Variants in SIGLECL1 observed in about 807,000 individuals in gnomAD.
SIGLECL1 encodes SIGLEC family like 1, also known as SIGLEC family-like protein 1.
Under a neutral mutation model 19.1 loss-of-function variants are expected in SIGLECL1, and 16 were observed. The ratio of observed to expected loss-of-function variants is 0.84; its 90% confidence interval spans 0.57 to 1.27. The LOEUF is 1.27. Among genes scored for constraint, SIGLECL1 ranks in the 50% most tolerant of loss-of-function variants. The probability of loss-of-function intolerance (pLI) is 0.00; values close to 1 mark genes in which losing one functional copy is unlikely to be tolerated. For synonymous variants in SIGLECL1, 89 were observed against 90.4 expected (o/e 0.98, Z 0.09); for missense variants, 210 against 239.4 (o/e 0.88, Z 0.81).
At chr19:51,250,877 G>A (rs1199678601), upstream of SIGLECL1, among the ~76,000 whole-genome samples, 1 of 152,212 alleles carries the variant, frequency 6.6e-6, no homozygotes, top group African/African-American at 2.4e-5. Flanking sequence ...ACACGCCTGT[G>A]GGCACAATGC....
chr19:51,269,325 C>T lies in SIGLECL1; in HGVS notation c.*728C>T, dbSNP rs971706746. 2 of 152,166 alleles carry T rather than the reference C, an allele frequency of 1.3e-5. No individual in the cohort carries two copies. The highest frequency in any genetic ancestry group is 6.5e-5 in the Admixed American group (1 of 15,268). The allele number at this position is 152,166 out of a possible 1,614,324, so 9.4% of individuals were successfully genotyped here. On this transcript the variant is annotated 3_prime_UTR_variant, in exon 6 of 6. Coordinates refer to ENST00000601727, the MANE Select transcript of SIGLECL1 (RefSeq NM_001385465.1). ...TGATGCCTAAAATACAATAAGATCTCAAGAATGTTTGTCAAATGATTTAAT... is the reference window on the plus strand; with the variant it reads ...TGATGCCTAAAATACAATAAGATCTTAAGAATGTTTGTCAAATGATTTAAT...
upstream of SIGLECL1, among the ~76,000 whole-genome samples, chr19:51,249,049 G>A (rs142760765): frequency 1.3e-5 from 2 of 152,218 alleles, no homozygotes; most frequent in East Asian, 3.9e-4. Flanking sequence ...GTAACTTACT[G>A]AAACACAGTA....
intron 1 of SIGLECL1, among the ~76,000 whole-genome samples, chr19:51,253,869 G>A (rs1982640399): frequency 1.3e-5 from 2 of 152,286 alleles, no homozygotes; most frequent in South Asian, 4.2e-4. Context: ...CCTTCCTTTT[G>A]GAAGTGTTGA....
At chr19:51,249,322 GCAGT>G (rs1982362951), upstream of SIGLECL1, among the ~76,000 whole-genome samples, 1 of 152,126 alleles carries the variant, frequency 6.6e-6, no homozygotes, top group East Asian at 1.9e-4. Flanking sequence ...TTAGGTAATA[GCAGT>G]CAGTCTGCTA....
intron 1 of SIGLECL1, chr19:51,256,099 A>G (rs1283275992): frequency 6.6e-6 from 1 of 152,094 alleles, no homozygotes. Context: ...ACGCACACAC[A>G]CACACACACC....
chr19:51,249,787 C>T (rs1274225458), upstream of SIGLECL1, among the ~76,000 whole-genome samples: 3 of 152,078 alleles, frequency 2.0e-5, no homozygotes, highest in Non-Finnish European at 4.4e-5. Context: ...GAATTCAGGG[C>T]TATTCCATAG....
intron 1 of SIGLECL1, among the ~76,000 whole-genome samples, chr19:51,262,425 G>C (rs1335684743): frequency 6.6e-6 from 1 of 152,046 alleles, no homozygotes; most frequent in African/African-American, 2.4e-5. Flanking sequence ...TGAAATATTG[G>C]GTTAGGTTCA....
chr19:51,252,922 C>T (rs552922735), intron 1 of SIGLECL1, among the ~76,000 whole-genome samples: 2 of 151,936 alleles, frequency 1.3e-5, no homozygotes, highest in African/African-American at 2.4e-5. Context: ...CCCAGGAGTT[C>T]GAGACCAGCC....
chr19:51,257,958 C>T (rs1209578855), intron 1 of SIGLECL1: 1 of 152,198 alleles, frequency 6.6e-6, no homozygotes, highest in African/African-American at 2.4e-5. Context: ...ACCAGGAAAG[C>T]TAAGTTATGC....
chr19:51,249,373 C>G (rs1220982325), upstream of SIGLECL1, among the ~76,000 whole-genome samples: 1 of 151,868 alleles, frequency 6.6e-6, no homozygotes, highest in African/African-American at 2.4e-5. Flanking sequence ...GGTCCCCTCT[C>G]GGGAAGTCTA....
chr19:51,259,653 G>A (rs1983070099), intron 1 of SIGLECL1, among the ~76,000 whole-genome samples: 1 of 152,176 alleles, frequency 6.6e-6, no homozygotes, highest in African/African-American at 2.4e-5. Context: ...TAATAATCCT[G>A]ACACCTGAAA....
intron 1 of SIGLECL1, among the ~76,000 whole-genome samples, chr19:51,256,766 C>T (rs546180133): frequency 6.6e-6 from 1 of 152,234 alleles, no homozygotes; most frequent in South Asian, 2.1e-4. Context: ...AACGTCATGT[C>T]GTACACCTTA....
In SIGLECL1 at chr19:51,265,830, ATC is replaced by A; in HGVS notation, c.360_361del (p.Tyr121CysfsTer38). 1 of 1,614,152 alleles carries A rather than the reference ATC, an allele frequency of 6.2e-7. No individual in the cohort carries two copies. The highest frequency in any genetic ancestry group is 8.5e-7 in the Non-Finnish European group (1 of 1,180,028). On this transcript the variant is annotated frameshift_variant, in exon 4 of 6. Coordinates refer to ENST00000601727, the MANE Select transcript of SIGLECL1 (RefSeq NM_001385465.1). LOFTEE classifies it high-confidence loss of function. ...CGTGAAAGGGCTGATCCAGGGTGCTATCTATGCGGGAATTGTAATTGCGCTGC... is the reference window on the plus strand; with the variant it reads ...CGTGAAAGGGCTGATCCAGGGTGCTATATGCGGGAATTGTAATTGCGCTGC... The part of the protein sequence containing the change: ...AFVKGLIQGA[I>X]YAGIVIALLF...
chr19:51,252,808 T>C (rs1482321238), intron 1 of SIGLECL1, among the ~76,000 whole-genome samples: 2 of 151,966 alleles, frequency 1.3e-5, no homozygotes, highest in Non-Finnish European at 2.9e-5. Context: ...TCCAGAACTC[T>C]GGGAAGGGAT....
rs1490704132 is a variant in SIGLECL1 at position 51,267,419 on chromosome 19, A to G, written c.457A>G (p.Arg153Gly). Residue 153 changes from arginine to glycine, a missense_variant, in exon 5 of 6, where the codon AGA becomes GGA. Transcript: ENST00000601727. ...GCAGGCGAAGAAAGCTGCAGCGATC[A>G]GAGCAAAAAAGAGCTCTAAAGTCAG... Reference protein sequence around the residue: ...KKQAKKAAAIRAKKSSKVRAS... With the variant: ...KKQAKKAAAIGAKKSSKVRAS... 1.2e-6 allele frequency: 2 copies of G among 1,614,112 alleles called. No homozygotes were observed. Among genetic ancestry groups the G allele is most frequent in the East Asian group, 2.2e-5 (1 of 44,886 alleles).
At chr19:51,259,621 T>C (rs545620111) in intron 1 of SIGLECL1, among the ~76,000 whole-genome samples, 260 of 152,314 alleles carry the variant, frequency 1.7e-3, no homozygotes, top group African/African-American at 5.9e-3. Context: ...GGGCTTTGAG[T>C]CTGCCCCATC....
chr19:51,268,711 CT>C lies in SIGLECL1; in HGVS notation c.*115del, dbSNP rs1332861943. 1.1e-5 allele frequency: 11 copies of C among 970,352 alleles called. No individual in the cohort carries two copies. In the East Asian group the frequency reaches 2.5e-4, roughly 22 times the overall value. 60.1% of individuals were successfully genotyped at this position (970,352 alleles called of 1,614,324 possible). A position where few individuals can be genotyped will look rare whatever the true frequency, so the allele number is the denominator to read the frequency against. On this transcript the variant is annotated 3_prime_UTR_variant, in exon 6 of 6. Coordinates refer to ENST00000601727, the MANE Select transcript of SIGLECL1 (RefSeq NM_001385465.1). ...GAGGCTGTAATAAACCTGGAGCCCC[CT>C]GGACTCTCCTCAGCTCACAAAACCC...
At chr19:51,258,893 G>T (rs576028848) in intron 1 of SIGLECL1, among the ~76,000 whole-genome samples, 2 of 152,304 alleles carry the variant, frequency 1.3e-5, no homozygotes, top group South Asian at 4.1e-4. Context: ...CCCCCATCAA[G>T]TCTGCTATAT....
upstream of SIGLECL1, among the ~76,000 whole-genome samples, chr19:51,246,713 A>G (rs938909477): frequency 2.0e-5 from 3 of 152,256 alleles, no homozygotes; most frequent in South Asian, 4.2e-4. Flanking sequence ...AATTCTTAAC[A>G]GGACCCGTTT....
Sources: gnomAD v4.1 joint callset for allele counts (sites outside exome capture counted in the v4.1 genomes callset) on GRCh38, gnomAD v4.1.1 for gene constraint, MANE v1.5 for transcripts, NCBI Gene and HGNC (gene_info 2026-07-23, HGNC 2026-07-21) for gene names.